The following PIGA variants were observed in gnomAD, a reference collection of about 807,000 sequenced individuals.
PIGA encodes phosphatidylinositol glycan anchor biosynthesis class A, also known as phosphatidylinositol N-acetylglucosaminyltransferase subunit A.
A neutral mutation model predicts 17.1 loss-of-function variants in PIGA; 3 were observed. The observed-to-expected ratio is 0.18, with a 90% CI of 0.08 to 0.45. PIGA has a LOEUF of 0.45. PIGA is among the 20% of genes least tolerant of loss of function. The pLI, the probability that PIGA is intolerant of heterozygous loss-of-function variation, is 0.99. For synonymous variants in PIGA, 126 were observed against 135.1 expected (o/e 0.93, Z 0.47); for missense variants, 231 against 374.1 (o/e 0.62, Z 3.16).
At chrX:15,332,803 T>G (rs1417759957) in intron 1 of PIGA, among the ~76,000 whole-genome samples, 1 of 111,161 alleles carries the variant, frequency 9.0e-6, no homozygotes, top group Non-Finnish European at 1.9e-5. Flanking sequence ...GAAGAGATAA[T>G]ATGGAGAAGG....
chrX:15,331,565 G>A lies in PIGA; in HGVS notation c.366C>T (p.Val122=). The change falls in exon 2 of 6, where the codon GTC becomes GTT. Residue 122 remains valine, a synonymous_variant. Transcript: ENST00000333590. ...LLRYIFVRER[V]TIIHSHSSFS... is the part of the protein sequence containing the mutation. Reference sequence around the variant, plus strand: ...AAGAACTATGTGAATGGATTATCGTGACTCTCTCCCGAACAAATATGTACC... The same window carrying A: ...AAGAACTATGTGAATGGATTATCGTAACTCTCTCCCGAACAAATATGTACC... 3 of 1,211,174 alleles carry A rather than the reference G, an allele frequency of 2.5e-6. No homozygotes were observed. Among genetic ancestry groups the A allele is most frequent in the Non-Finnish European group, 2.2e-6 (2 of 894,807 alleles).
chrX:15,333,683 AAAAAC>A (rs1218795684), intron 1 of PIGA, among the ~76,000 whole-genome samples: 2 of 112,137 alleles, frequency 1.8e-5, no homozygotes, highest in Non-Finnish European at 1.9e-5. Flanking sequence ...TCCATCTCAA[AAAAAC>A]AAAACAAAAC....
chrX:15,334,877 C>A lies in PIGA; in HGVS notation c.-63+624G>T, dbSNP rs748000270. The stretch of plus-strand genomic sequence containing the variant: ...ATGAGGCTTGGAGCTCTAGTGAATA[C>A]CTCTCTCGTTTTACAAATGAGAACC... On this transcript the variant is annotated intron_variant, in intron 1 of 5. Coordinates refer to ENST00000333590, the MANE Select transcript of PIGA (RefSeq NM_002641.4). 1.3e-4 allele frequency among the ~76,000 whole-genome samples: 15 copies of A among 112,055 alleles called. No individual in the cohort carries two copies. In the South Asian group the frequency reaches 1.9e-3, roughly 14 times the overall value.
At chrX:15,329,228 T>C (rs774876027) in intron 2 of PIGA, among the ~76,000 whole-genome samples, 18 of 112,385 alleles carry the variant, frequency 1.6e-4, no homozygotes, top group Non-Finnish European at 2.8e-4. Context: ...CTTGTTATCG[T>C]CGTGTTGAGT....
At chrX:15,331,142 AT>A (rs1167990057) in intron 2 of PIGA, 73 bp downstream of exon 2, 8 of 664,986 alleles carry the variant, frequency 1.2e-5, no homozygotes, top group Middle Eastern at 4.7e-4. Context: ...CCAAACAATC[AT>A]TATATACAAG....
chrX:15,333,302 G>A (rs1922222697), intron 1 of PIGA, among the ~76,000 whole-genome samples: 1 of 112,529 alleles, frequency 8.9e-6, no homozygotes, highest in Admixed American at 9.4e-5. Flanking sequence ...CACACCCGGA[G>A]CTCGAACTAT....
chrX:15,327,258 C>CAAAAAA (rs752713326), intron 2 of PIGA: 1 of 50,872 alleles, frequency 2.0e-5, no homozygotes, highest in African/African-American at 7.3e-5. Context: ...GACTCCGTCT[C>CAAAAAA]AAAAAAAAAA....
chrX:15,327,033 G>A (rs1010792014), intron 2 of PIGA: 1 of 111,539 alleles, frequency 9.0e-6, no homozygotes, highest in Non-Finnish European at 1.9e-5. Context: ...GCCAAGGCAG[G>A]CGGATCACAA....
intron 5 of PIGA, among the ~76,000 whole-genome samples, chrX:15,324,022 T>G (rs1569178151): frequency 8.9e-6 from 1 of 112,277 alleles, no homozygotes; most frequent in East Asian, 2.8e-4. Flanking sequence ...CAGGAAGCAT[T>G]TCCCACAACT....
Position 15,321,384 on chromosome X carries a change from G to C in PIGA, c.*122C>G. On this transcript the variant is annotated 3_prime_UTR_variant, in exon 6 of 6. Transcript: ENST00000333590. The stretch of plus-strand genomic sequence containing the variant: ...TCAACAGAAAATATTGAATGATATA[G>C]AGGTAGCATAACTTACTAAATTAAC... 1 of 529,852 alleles carries C rather than the reference G, an allele frequency of 1.9e-6. No individual in the cohort carries two copies. Among genetic ancestry groups the C allele is most frequent in the Admixed American group, 3.3e-5 (1 of 30,542 alleles). The allele number at this position is 529,852 out of a possible 1,213,427, so 43.7% of individuals were successfully genotyped here.
chrX:15,330,842 TCTGC>T (rs748760635), intron 2 of PIGA: 31 of 123,448 alleles, frequency 2.5e-4, no homozygotes, highest in Admixed American at 2.1e-3. Flanking sequence ...GACCCCGTGA[TCTGC>T]CTGCCTCAGC....
intron 1 of PIGA, among the ~76,000 whole-genome samples, chrX:15,334,000 A>G (rs1922248322): frequency 9.0e-6 from 1 of 111,148 alleles, no homozygotes; most frequent in Non-Finnish European, 1.9e-5. Flanking sequence ...AGAATCTTGG[A>G]TATCTAGTCA....
Position 15,321,374 on chromosome X carries a change from G to T in PIGA, c.*132C>A, listed in dbSNP as rs1921804546. The stretch of plus-strand genomic sequence containing the variant: ...TTATCTTTCCTCAACAGAAAATATT[G>T]AATGATATAGAGGTAGCATAACTTA... On this transcript the variant is annotated 3_prime_UTR_variant, in exon 6 of 6. Transcript: ENST00000333590. 2 of 490,233 alleles carry T rather than the reference G, an allele frequency of 4.1e-6. No homozygotes were observed. The highest frequency in any genetic ancestry group is 4.7e-5 in the African/African-American group (2 of 42,278). 40.4% of individuals were successfully genotyped at this position (490,233 alleles called of 1,213,427 possible). A position where few individuals can be genotyped will look rare whatever the true frequency, so the allele number is the denominator to read the frequency against.
chrX:15,335,273 G>A (rs919202781), intron 1 of PIGA: 2 of 305,067 alleles, frequency 6.6e-6, no homozygotes, highest in African/African-American at 5.4e-5. Context: ...CGGGGTTCCG[G>A]AGACCCCAGT....
At chrX:15,324,589 T>C (rs1393474901) in intron 5 of PIGA, 76 bp downstream of exon 5, 4 of 740,363 alleles carry the variant, frequency 5.4e-6, no homozygotes, top group Admixed American at 2.6e-5. Flanking sequence ...TAAACATCTA[T>C]GTAAGAAAAA....
chrX:15,321,309 A>G lies in PIGA; in HGVS notation c.*197T>C. On this transcript the variant is annotated 3_prime_UTR_variant, in exon 6 of 6. Coordinates refer to ENST00000333590, the MANE Select transcript of PIGA (RefSeq NM_002641.4). ...AAATGTTCTCTCCTAAATTTTAAAT[A>G]AGTGCAAGAAGTTTCTACACTCAGG... The G allele has an allele frequency of 2.7e-6, 1 of 374,192 alleles. No homozygotes were observed. Among genetic ancestry groups the G allele is most frequent in the South Asian group, 5.8e-5 (1 of 17,254 alleles). The allele number at this position is 374,192 out of a possible 1,213,427, so 30.8% of individuals were successfully genotyped here.
chrX:15,322,915 G>T (rs1921859675), intron 5 of PIGA, among the ~76,000 whole-genome samples: 1 of 112,042 alleles, frequency 8.9e-6, no homozygotes, highest in African/African-American at 3.2e-5. Context: ...GGTTAAAAGA[G>T]TAACTACAAA....
chrX:15,326,078 T>C (rs1461367120), intron 2 of PIGA, 32 bp from the exon 3 acceptor site: 17 of 1,018,137 alleles, frequency 1.7e-5, no homozygotes, highest in African/African-American at 1.9e-5. Flanking sequence ...TTGGAGATAT[T>C]AATATTTAAA....
chrX:15,333,668 G>A (rs1043513342), intron 1 of PIGA, among the ~76,000 whole-genome samples: 8 of 111,905 alleles, frequency 7.1e-5, no homozygotes, highest in East Asian at 2.8e-4. Flanking sequence ...GTGACACAGC[G>A]AGACTCCATC....
Sources: allele counts gnomAD v4.1 joint callset (sites outside exome capture counted in the v4.1 genomes callset), GRCh38; gene constraint gnomAD v4.1.1; transcripts MANE v1.5; gene names NCBI Gene and HGNC (gene_info 2026-07-23, HGNC 2026-07-21).